Variants in ZFP69 observed in about 807,000 individuals in gnomAD.
The protein encoded by ZFP69 is zinc finger protein 69 homolog.
ZFP69 carries 35 observed loss-of-function variants against 48.9 expected under a neutral mutation model. That is an observed-to-expected ratio of 0.72 (90% CI 0.55 to 0.95). The LOEUF is 0.95. ZFP69 is among the 40% of genes least tolerant of loss of function. ZFP69 has a pLI of 0.00. For synonymous variants in ZFP69, 193 were observed against 216.8 expected, an observed-to-expected ratio of 0.89 and a Z score of 0.96; for missense variants, 557 against 638.4, an observed-to-expected ratio of 0.87 and a Z score of 1.37.
chr1:40,488,022 C>A lies in ZFP69; in HGVS notation c.220-1066C>A, dbSNP rs1370095925. Among the ~76,000 whole-genome samples the A allele has an allele frequency of 2.1e-5, 3 of 142,680 alleles. No individual in the cohort carries two copies. The East Asian group carries it at 6.2e-4, about 29-fold the overall frequency. 93.6% of individuals were successfully genotyped at this position (142,680 alleles called of 152,430 possible). On this transcript the variant is annotated intron_variant, in intron 3 of 5. Transcript: ENST00000372706. Reference sequence around the variant, plus strand: ...CACCACTGCACTCCAGCCTGGACAACAGGGTGAGACTCTGTCTCAAAAAAA... The same window carrying A: ...CACCACTGCACTCCAGCCTGGACAAAAGGGTGAGACTCTGTCTCAAAAAAA...
At chr1:40,487,932 AG>A (rs982090922) in intron 3 of ZFP69, among the ~76,000 whole-genome samples, 1 of 152,002 alleles carries the variant, frequency 6.6e-6, no homozygotes, top group Non-Finnish European at 1.5e-5. Flanking sequence ...CTGTAATACC[AG>A]CTACCTGGGA....
chr1:40,482,620 G>GTT (rs946296628), intron 3 of ZFP69, among the ~76,000 whole-genome samples: 1 of 150,628 alleles, frequency 6.6e-6, no homozygotes, highest in Non-Finnish European at 1.5e-5. Flanking sequence ...TTTAGCTTTT[G>GTT]TTTTTTTTTG....
intron 5 of ZFP69, among the ~76,000 whole-genome samples, chr1:40,490,099 C>A (rs775338276): frequency 2.6e-5 from 4 of 151,852 alleles, no homozygotes; most frequent in Non-Finnish European, 5.9e-5. Context: ...TGATCTCGAC[C>A]TTGTGATCTG....
chr1:40,489,574 G>GAGAAGAGCCATGGATGGCAGAGAA lies in ZFP69; in HGVS notation c.398_421dup (p.Glu133_Glu140dup). 6.2e-7 allele frequency: 1 copy of GAGAAGAGCCATGGATGGCAGAGAA among 1,613,774 alleles called. No homozygotes were observed. Among genetic ancestry groups the GAGAAGAGCCATGGATGGCAGAGAA allele is most frequent in the Non-Finnish European group, 8.5e-7 (1 of 1,179,938 alleles). On this transcript the variant is annotated inframe_insertion, in exon 5 of 6. Transcript: ENST00000372706. ...AGTGTGATATCCCAGTTAGAGAAAG[G>GAGAAGAGCCATGGATGGCAGAGAA]AGAAGAGCCATGGATGGCAGAGAAA...
intron 5 of ZFP69, among the ~76,000 whole-genome samples, chr1:40,492,624 G>A (rs1036880384): frequency 1.3e-5 from 2 of 152,110 alleles, no homozygotes; most frequent in African/African-American, 4.8e-5. Flanking sequence ...TATAATCAGA[G>A]CATCAAATCA....
chr1:40,480,330 A>G lies in ZFP69; in HGVS notation c.127+842A>G, dbSNP rs373133188. 2.0e-3 allele frequency among the ~76,000 whole-genome samples: 304 copies of G among 149,694 alleles called. 1 individual carries two copies. Among genetic ancestry groups the G allele is most frequent in the African/African-American group, 7.5e-3 (295 of 39,484 alleles). ...GCCCAGGCTGGAGTGCAGTGGTGCA[A>G]TCTCAGCTCACTGCAACTCCTGCCT... On this transcript the variant is annotated intron_variant, in intron 2 of 5. Transcript: ENST00000372706.
intron 3 of ZFP69, among the ~76,000 whole-genome samples, chr1:40,482,620 G>GT (rs946296628): frequency 3.3e-4 from 49 of 150,734 alleles, no homozygotes; most frequent in East Asian, 9.7e-4. Context: ...TTTAGCTTTT[G>GT]TTTTTTTTTG....
intron 3 of ZFP69, among the ~76,000 whole-genome samples, chr1:40,483,226 A>ATTTTTTTTTT (rs56706952): frequency 0.097 from 11,228 of 115,900 alleles, 1,003 homozygotes; most frequent in East Asian, 0.32. Context: ...ACCTTTTTTA[A>ATTTTTTTTTT]TTTTTTTTTT....
At chr1:40,491,266 T>G (rs1645565215) in intron 5 of ZFP69, 1 of 152,242 alleles carries the variant, frequency 6.6e-6, no homozygotes, top group African/African-American at 2.4e-5. Context: ...ATTTTCCTGT[T>G]GATAGACATT....
chr1:40,491,522 T>G (rs1172255020), intron 5 of ZFP69, among the ~76,000 whole-genome samples: 1 of 152,218 alleles, frequency 6.6e-6, no homozygotes, highest in African/African-American at 2.4e-5. Context: ...TTGTCAACAT[T>G]TGTTATTGTC....
At chr1:40,486,333 T>C (rs947657034) in intron 3 of ZFP69, among the ~76,000 whole-genome samples, 3 of 152,110 alleles carry the variant, frequency 2.0e-5, no homozygotes, top group Non-Finnish European at 4.4e-5. Context: ...TTTTCAAATA[T>C]TTTTTCTACC....
At chr1:40,480,397 C>G (rs1212905053) in intron 2 of ZFP69, among the ~76,000 whole-genome samples, 1 of 149,996 alleles carries the variant, frequency 6.7e-6, no homozygotes, top group Non-Finnish European at 1.5e-5. Context: ...TCCTGAGCAG[C>G]TGGGACTACA....
At chr1:40,483,246 T>TAGAG (rs1553128545) in intron 3 of ZFP69, among the ~76,000 whole-genome samples, 1 of 147,616 alleles carries the variant, frequency 6.8e-6, no homozygotes, top group Non-Finnish European at 1.5e-5. Context: ...TTTTTTTTTT[T>TAGAG]AGAGACTGAG....
intron 5 of ZFP69, 29 bp from the exon 6 acceptor site, chr1:40,494,891 GT>G (rs1469383571): frequency 1.4e-5 from 22 of 1,580,742 alleles, no homozygotes; most frequent in Non-Finnish European, 1.9e-5. Flanking sequence ...ACAGTAATTG[GT>G]TTTTAAAGCT....
At chr1:40,494,256 ATTTTTTT>A (rs11286167) in intron 5 of ZFP69, among the ~76,000 whole-genome samples, 43 of 52,034 alleles carry the variant, frequency 8.3e-4, no homozygotes, top group Admixed American at 1.2e-3. Context: ...AAGATTCAAA[ATTTTTTT>A]TTTTTTTTTT....
intron 5 of ZFP69, among the ~76,000 whole-genome samples, chr1:40,493,878 CTTAAAGG>C (rs1406559749): frequency 2.0e-5 from 3 of 152,152 alleles, no homozygotes; most frequent in Non-Finnish European, 4.4e-5. Flanking sequence ...AAGTAAAAAT[CTTAAAGG>C]TTAAAGGGTA....
chr1:40,495,173 T>C lies in ZFP69; in HGVS notation c.695T>C (p.Val232Ala), dbSNP rs1645616982. ...ETNKFGENII[V>A]HSNVIIEQRH... ...AACAAATTTGGGGAAAATATCATTG[T>C]GCATTCAAATGTTATTATTGAACAG... Residue 232 changes from valine to alanine, a missense_variant, in exon 6 of 6, where the codon GTG (valine) becomes GCG (alanine). Transcript: ENST00000372706. 6.2e-7 allele frequency: 1 copy of C among 1,614,032 alleles called. No individual in the cohort carries two copies. The highest frequency in any genetic ancestry group is 8.5e-7 in the Non-Finnish European group (1 of 1,180,020).
chr1:40,481,115 T>C (rs1386991874), intron 2 of ZFP69, among the ~76,000 whole-genome samples: 1 of 152,188 alleles, frequency 6.6e-6, no homozygotes, highest in African/African-American at 2.4e-5. Context: ...CCTGGTTGTA[T>C]GTATTTAAGA....
chr1:40,479,064 T>G lies in ZFP69; in HGVS notation c.-298T>G. ...CTGGAGTTCTGGAGACAAGTGCTTC[T>G]GGATCCCTCTTCCCTTCCCTTTTGC... On this transcript the variant is annotated 5_prime_UTR_variant, in exon 2 of 6. Coordinates refer to ENST00000372706, the MANE Select transcript of ZFP69 (RefSeq NM_001320179.2). The G allele has an allele frequency of 3.7e-6, 1 of 269,244 alleles. No individual in the cohort carries two copies. Among genetic ancestry groups the G allele is most frequent in the Non-Finnish European group, 7.2e-6 (1 of 138,732 alleles). The allele number at this position is 269,244 out of a possible 1,614,324, so 16.7% of individuals were successfully genotyped here. A position where few individuals can be genotyped will look rare whatever the true frequency, so the allele number is the denominator to read the frequency against.
Sources: allele counts gnomAD v4.1 joint callset (sites outside exome capture counted in the v4.1 genomes callset), GRCh38; gene constraint gnomAD v4.1.1; transcripts MANE v1.5; gene names NCBI Gene and HGNC (gene_info 2026-07-23, HGNC 2026-07-21).